The following LDLRAD3 variants were observed in gnomAD, a reference collection of about 807,000 sequenced individuals.
The protein encoded by LDLRAD3 is low density lipoprotein receptor class A domain containing 3.
Under a neutral mutation model 29.4 loss-of-function variants are expected in LDLRAD3, and 20 were observed. The observed-to-expected ratio is 0.68, with a 90% CI of 0.48 to 0.99. The LOEUF (loss-of-function observed/expected upper bound fraction) is 0.99, where lower values mean the gene tolerates loss of function less well. Ranked by LOEUF, LDLRAD3 falls within the 50% of genes least tolerant of loss-of-function variation. The pLI is 0.00. For missense variants in LDLRAD3, 420 were observed against 454.3 expected (o/e 0.92, Z 0.69); for synonymous variants, 157 against 192.7 (o/e 0.81, Z 1.53).
At chr11:35,993,793 G>T (rs757984716) in intron 1 of LDLRAD3, among the ~76,000 whole-genome samples, 1 of 152,126 alleles carries the variant, frequency 6.6e-6, no homozygotes, top group Non-Finnish European at 1.5e-5. Context: ...TGATTCAGAC[G>T]TGTGGCCCCT....
rs78153268 is a variant in LDLRAD3, at chr11:35,948,132, G to A, written c.46+3988G>A. 4.8e-3 allele frequency among the ~76,000 whole-genome samples: 737 copies of A among 152,162 alleles called. 2 individuals are homozygous for A. Among genetic ancestry groups the A allele is most frequent in the South Asian group, 0.03 (147 of 4,820 alleles). ...CCGAATTGTAGTTACATGGGGGTTC[G>A]TTTTCATTCTTTGAGCTCTAAATTC... On this transcript the variant is annotated intron_variant, in intron 1 of 5. Transcript: ENST00000315571.
intron 4 of LDLRAD3, among the ~76,000 whole-genome samples, chr11:36,199,505 A>C (rs1406993188): frequency 6.6e-6 from 1 of 152,192 alleles, no homozygotes; most frequent in Non-Finnish European, 1.5e-5. Flanking sequence ...GTACGATCGA[A>C]GACATCTCTC....
intron 4 of LDLRAD3, among the ~76,000 whole-genome samples, chr11:36,136,454 G>A (rs998473155): frequency 2.0e-5 from 3 of 152,080 alleles, no homozygotes; most frequent in East Asian, 1.9e-4. Context: ...TCATGGGGGC[G>A]GATCCTTCAT....
chr11:35,965,142 T>C (rs990474329), intron 1 of LDLRAD3, among the ~76,000 whole-genome samples: 2 of 152,130 alleles, frequency 1.3e-5, no homozygotes, highest in African/African-American at 4.8e-5. Context: ...AAGCTTGGGC[T>C]CTTGATGTTG....
At chr11:36,128,172 A>C (rs951217569) in intron 4 of LDLRAD3, among the ~76,000 whole-genome samples, 1 of 139,656 alleles carries the variant, frequency 7.2e-6, no homozygotes, top group Non-Finnish European at 1.6e-5. Flanking sequence ...TAGAATGGGA[A>C]CTGAAAGATG....
chr11:36,191,601 C>CATATAT (rs1565292109), intron 4 of LDLRAD3, among the ~76,000 whole-genome samples: 1 of 89,230 alleles, frequency 1.1e-5, no homozygotes, highest in African/African-American at 4.9e-5. Context: ...TATATATATA[C>CATATAT]ACACACACAC....
intron 1 of LDLRAD3, among the ~76,000 whole-genome samples, chr11:35,949,699 C>T (rs1192937763): frequency 1.3e-5 from 2 of 152,202 alleles, no homozygotes; most frequent in African/African-American, 4.8e-5. Flanking sequence ...TTCCAGCTGT[C>T]GTTTTGCTTT....
intron 4 of LDLRAD3, among the ~76,000 whole-genome samples, chr11:36,131,576 G>C (rs1440298257): frequency 6.6e-6 from 1 of 152,158 alleles, no homozygotes; most frequent in Non-Finnish European, 1.5e-5. Context: ...TATTGGGGAT[G>C]CTTTGCCTTT....
intron 4 of LDLRAD3, among the ~76,000 whole-genome samples, chr11:36,117,335 A>G (rs1008319059): frequency 6.6e-6 from 1 of 152,216 alleles, no homozygotes; most frequent in Non-Finnish European, 1.5e-5. Context: ...AAATTCTCAC[A>G]CTTGCAGGGT....
chr11:35,986,257 C>T (rs532804592), intron 1 of LDLRAD3, among the ~76,000 whole-genome samples: 73 of 152,192 alleles, frequency 4.8e-4, no homozygotes, highest in African/African-American at 1.7e-3. Context: ...TGCAATGCCC[C>T]GGATTGGTTA....
chr11:35,998,505 C>T (rs1851782776), intron 1 of LDLRAD3, among the ~76,000 whole-genome samples: 1 of 152,162 alleles, frequency 6.6e-6, no homozygotes, highest in Admixed American at 6.5e-5. Flanking sequence ...GCCTGTTGGG[C>T]AGGCTGATCT....
chr11:36,186,462 TGA>T (rs964194386), intron 4 of LDLRAD3, among the ~76,000 whole-genome samples: 3 of 152,182 alleles, frequency 2.0e-5, no homozygotes, highest in African/African-American at 7.2e-5. Context: ...CTGGCTTATT[TGA>T]GAGAGTTGGT....
chr11:36,208,563 C>G (rs1467355738), intron 4 of LDLRAD3, among the ~76,000 whole-genome samples: 1 of 152,194 alleles, frequency 6.6e-6, no homozygotes, highest in Non-Finnish European at 1.5e-5. Context: ...CCTTAAATGC[C>G]TCACCCTTCA....
rs187929808 is a variant in LDLRAD3, at chr11:36,133,780, G to A, written c.454+35319G>A. ...TCTTGATCTCCTGACCTTGTGATCC[G>A]CCTGCCTCAGCCTCCCAAAGTGTTG... On this transcript the variant is annotated intron_variant, in intron 4 of 5. Coordinates refer to ENST00000315571, the MANE Select transcript of LDLRAD3 (RefSeq NM_174902.4). Among the ~76,000 whole-genome samples the A allele has an allele frequency of 3.1e-4, 45 of 147,352 alleles. 1 individual carries two copies. In the East Asian group the frequency reaches 8.4e-3, roughly 28 times the overall value.
At chr11:36,089,125 G>A (rs1303303270) in intron 3 of LDLRAD3, among the ~76,000 whole-genome samples, 2 of 152,168 alleles carry the variant, frequency 1.3e-5, no homozygotes, top group South Asian at 2.1e-4. Context: ...ATGCTTTCTC[G>A]TAATGGCATA....
intron 1 of LDLRAD3, among the ~76,000 whole-genome samples, chr11:35,993,183 A>G (rs1485831091): frequency 3.3e-5 from 5 of 152,188 alleles, no homozygotes; most frequent in African/African-American, 9.6e-5. Flanking sequence ...TGTGCTAGCT[A>G]AGAGGTTGGG....
rs1241938530 is a variant in LDLRAD3, at chr11:36,042,214, T to C, written c.193+5965T>C. On this transcript the variant is annotated intron_variant, in intron 2 of 5. Coordinates refer to ENST00000315571, the MANE Select transcript of LDLRAD3 (RefSeq NM_174902.4). ...TTCTGCCTCTAGGTGGTGCCACATATATTTTCTTTTAAACTTGCACTGCAG... is the reference window on the plus strand; with the variant it reads ...TTCTGCCTCTAGGTGGTGCCACATACATTTTCTTTTAAACTTGCACTGCAG... 2.6e-5 allele frequency among the ~76,000 whole-genome samples: 4 copies of C among 152,246 alleles called. No individual in the cohort carries two copies. In the South Asian group the frequency reaches 6.2e-4, roughly 24 times the overall value.
intron 4 of LDLRAD3, among the ~76,000 whole-genome samples, chr11:36,172,686 A>G (rs1010721681): frequency 1.4e-4 from 22 of 152,078 alleles, no homozygotes; most frequent in African/African-American, 5.1e-4. Context: ...TCACTTGATC[A>G]TGGTTGGATT....
intron 1 of LDLRAD3, among the ~76,000 whole-genome samples, chr11:36,034,107 A>G (rs1471560068): frequency 6.6e-6 from 1 of 152,182 alleles, no homozygotes; most frequent in East Asian, 1.9e-4. Context: ...TGTGTCTATC[A>G]ACATCCACTG....
Sources: allele counts gnomAD v4.1 joint callset (sites outside exome capture counted in the v4.1 genomes callset), GRCh38; gene constraint gnomAD v4.1.1; transcripts MANE v1.5; gene names NCBI Gene and HGNC (gene_info 2026-07-23, HGNC 2026-07-21).